Variants in FSTL5 observed in about 807,000 individuals in gnomAD.
The protein encoded by FSTL5 is follistatin like 5.
A neutral mutation model predicts 89.1 loss-of-function variants in FSTL5; 62 were observed. That is an observed-to-expected ratio of 0.70 (90% CI 0.57 to 0.86). The LOEUF (loss-of-function observed/expected upper bound fraction) is 0.86, where lower values mean the gene tolerates loss of function less well. FSTL5 is among the 40% of genes least tolerant of loss of function. The probability of loss-of-function intolerance (pLI) is 0.00; values close to 1 mark genes in which losing one functional copy is unlikely to be tolerated. For missense variants in FSTL5, 1,057 were observed against 1,001.6 expected (o/e 1.06, Z -0.75); for synonymous variants, 383 against 346.2 (o/e 1.11, Z -1.18).
intron 3 of FSTL5, among the ~76,000 whole-genome samples, chr4:162,019,511 G>A (rs1247823225): frequency 6.6e-6 from 1 of 151,890 alleles, no homozygotes. Context: ...ATTAAAAAAT[G>A]TATCATATTT....
intron 6 of FSTL5, among the ~76,000 whole-genome samples, chr4:161,731,598 G>C (rs111652912): frequency 1.3e-5 from 2 of 151,926 alleles, no homozygotes; most frequent in Non-Finnish European, 2.9e-5. Flanking sequence ...CTGCAGAACC[G>C]TAAGTCAATT....
At chr4:161,950,877 C>T (rs1378987039) in intron 3 of FSTL5, among the ~76,000 whole-genome samples, 1 of 151,958 alleles carries the variant, frequency 6.6e-6, no homozygotes, top group Non-Finnish European at 1.5e-5. Flanking sequence ...ACAATCATGC[C>T]AGAAAATACT....
chr4:161,919,056 T>C (rs1473969841), intron 4 of FSTL5, among the ~76,000 whole-genome samples: 1 of 152,178 alleles, frequency 6.6e-6, no homozygotes, highest in Non-Finnish European at 1.5e-5. Flanking sequence ...TTATATATTA[T>C]GTACATAATT....
chr4:161,574,055 C>G (rs113601635), intron 8 of FSTL5, among the ~76,000 whole-genome samples: 3,422 of 152,166 alleles, frequency 0.022, 135 homozygotes, highest in African/African-American at 0.077. Context: ...TCACTACAAC[C>G]TTTTGCTCTG....
At chr4:161,818,482 A>G (rs777897424) in intron 4 of FSTL5, among the ~76,000 whole-genome samples, 24 of 152,324 alleles carry the variant, frequency 1.6e-4, no homozygotes, top group Non-Finnish European at 3.1e-4. Flanking sequence ...AAACTAAAAG[A>G]GCACCCTGTA....
chr4:161,626,545 G>A (rs1000077431), intron 7 of FSTL5, among the ~76,000 whole-genome samples: 1 of 152,144 alleles, frequency 6.6e-6, no homozygotes, highest in Non-Finnish European at 1.5e-5. Context: ...TCATCCAGGA[G>A]CTCTGATGGA....
chr4:161,881,451 A>T (rs1396929335), intron 4 of FSTL5, among the ~76,000 whole-genome samples: 1 of 152,034 alleles, frequency 6.6e-6, no homozygotes, highest in Admixed American at 6.6e-5. Flanking sequence ...TAATACAATA[A>T]AAAACAAATG....
chr4:162,028,581 A>G (rs1737391018), intron 3 of FSTL5, among the ~76,000 whole-genome samples: 8 of 152,216 alleles, frequency 5.3e-5, no homozygotes, highest in Admixed American at 5.2e-4. Flanking sequence ...TGTCTAAATA[A>G]ATAAATAAAC....
At chr4:161,463,016 G>A (rs1733633680) in intron 13 of FSTL5, among the ~76,000 whole-genome samples, 1 of 152,056 alleles carries the variant, frequency 6.6e-6, no homozygotes, top group Non-Finnish European at 1.5e-5. Context: ...GGCTTTCATT[G>A]AGCCTTAAAG....
chr4:161,422,609 C>T (rs1474790735), intron 15 of FSTL5, among the ~76,000 whole-genome samples: 2 of 152,148 alleles, frequency 1.3e-5, no homozygotes, highest in East Asian at 1.9e-4. Context: ...CACGCTGGAC[C>T]TTAGGGCTGT....
chr4:161,992,952 C>CTA (rs150149211), intron 3 of FSTL5, among the ~76,000 whole-genome samples: 1,150 of 7,434 alleles, frequency 0.15, 195 homozygotes, highest in East Asian at 0.52. Flanking sequence ...GTGTGTATAT[C>CTA]TATATATATA....
intron 3 of FSTL5, among the ~76,000 whole-genome samples, chr4:161,967,420 G>T (rs1347951780): frequency 6.6e-6 from 1 of 150,864 alleles, no homozygotes; most frequent in African/African-American, 2.4e-5. Context: ...AAAATTAAAA[G>T]AAGAAAAGAA....
chr4:161,446,905 A>G (rs372080254), intron 15 of FSTL5, among the ~76,000 whole-genome samples: 49 of 152,150 alleles, frequency 3.2e-4, no homozygotes, highest in African/African-American at 1.1e-3. Flanking sequence ...GGGTAAAGTA[A>G]GTGTGATTTA....
chr4:162,057,935 C>T (rs1352078635), intron 2 of FSTL5, among the ~76,000 whole-genome samples: 1 of 152,068 alleles, frequency 6.6e-6, no homozygotes, highest in Non-Finnish European at 1.5e-5. Flanking sequence ...GAGAGTGAGA[C>T]TCCATCTCAA....
chr4:161,841,994 G>A (rs903155746), intron 4 of FSTL5, among the ~76,000 whole-genome samples: 6 of 151,998 alleles, frequency 3.9e-5, no homozygotes, highest in Middle Eastern at 3.2e-3. Flanking sequence ...GCTTCTGCAG[G>A]GTGTTGGCTG....
intron 3 of FSTL5, among the ~76,000 whole-genome samples, chr4:161,975,981 G>T (rs985979327): frequency 3.3e-5 from 5 of 151,018 alleles, no homozygotes. Flanking sequence ...AGCCAGGCAT[G>T]GTGGTGGGCG....
chr4:161,443,112 A>G (rs11100367), intron 15 of FSTL5, among the ~76,000 whole-genome samples: 144,006 of 151,998 alleles, frequency 0.95, 68,670 homozygotes, highest in East Asian at 1. Flanking sequence ...TGAGGATTTA[A>G]GGCAGTAAAC....
At chr4:161,422,439 G>A (rs1732023505) in intron 15 of FSTL5, among the ~76,000 whole-genome samples, 1 of 152,144 alleles carries the variant, frequency 6.6e-6, no homozygotes, top group Admixed American at 6.5e-5. Flanking sequence ...CTGAGCTAGT[G>A]AGAATCTTTT....
At chr4:161,540,697 A>AT (rs908644854) in intron 9 of FSTL5, among the ~76,000 whole-genome samples, 9 of 150,394 alleles carry the variant, frequency 6.0e-5, no homozygotes, top group East Asian at 3.9e-4. Context: ...ACTATCTTCT[A>AT]TTTTTTTTTC....
Sources: gnomAD v4.1 joint callset for allele counts (sites outside exome capture counted in the v4.1 genomes callset) on GRCh38, gnomAD v4.1.1 for gene constraint, MANE v1.5 for transcripts, NCBI Gene and HGNC (gene_info 2026-07-23, HGNC 2026-07-21) for gene names.